Variants in LATS2 observed in about 807,000 individuals in gnomAD.
LATS2 encodes large tumor suppressor kinase 2.
Under a neutral mutation model 76.0 loss-of-function variants are expected in LATS2, and 24 were observed. That is an observed-to-expected ratio of 0.32 (90% CI 0.23 to 0.44). The LOEUF (loss-of-function observed/expected upper bound fraction) is 0.44, where lower values mean the gene tolerates loss of function less well. Among genes scored for constraint, LATS2 ranks in the 20% least tolerant of loss-of-function variants. LATS2 has a pLI of 1.00. For synonymous variants in LATS2, 692 were observed against 635.4 expected (o/e 1.09, Z -1.34); for missense variants, 1,286 against 1,481.2 (o/e 0.87, Z 2.16).
rs1033109455 is a variant in LATS2 at position 20,998,182 on chromosome 13, C to T, written c.343-6778G>A. 2.6e-5 allele frequency among the ~76,000 whole-genome samples: 4 copies of T among 152,014 alleles called. No homozygotes were observed. The East Asian group carries it at 7.8e-4, about 30-fold the overall frequency. ...TCAAGACCAGCCTGGGCAAGACCCG[C>T]ATGTTTGTAAAAAGTGAGAAAATTA... On this transcript the variant is annotated intron_variant, in intron 2 of 7. Transcript: ENST00000382592.
intron 2 of LATS2, among the ~76,000 whole-genome samples, chr13:21,003,763 A>C (rs1871149807): frequency 3.3e-5 from 5 of 151,758 alleles, no homozygotes; most frequent in East Asian, 1.9e-4. Context: ...TTTTTGGTAG[A>C]GAGAGGGTTT....
rs1179113388 is a variant in LATS2 at position 21,007,920 on chromosome 13, C to T, written c.343-16516G>A. Among the ~76,000 whole-genome samples the T allele has an allele frequency of 4.0e-5, 6 of 148,310 alleles. No homozygotes were observed. In the South Asian group the frequency reaches 6.5e-4, roughly 16 times the overall value. On this transcript the variant is annotated intron_variant, in intron 2 of 7. Coordinates refer to ENST00000382592, the MANE Select transcript of LATS2 (RefSeq NM_014572.3). ...AATTACAGATGCGAATCATCACAAC[C>T]GACTAATTTTTGTATTTTTAGTAGA... is the stretch of plus-strand genomic sequence containing the variant.
intron 7 of LATS2, 141 bp downstream of exon 7, chr13:20,979,548 GAT>G (rs1869774953): frequency 2.4e-6 from 1 of 418,354 alleles, no homozygotes; most frequent in Non-Finnish European, 4.3e-6. Context: ...AAAATAATGA[GAT>G]TATTTTTAAA....
intron 2 of LATS2, among the ~76,000 whole-genome samples, chr13:21,019,505 T>TTTC (rs1385664529): frequency 7.9e-6 from 1 of 127,160 alleles, no homozygotes; most frequent in African/African-American, 3.0e-5. Flanking sequence ...TTTTTTTTTT[T>TTTC]TGTATTTTTG....
rs534926444 is a variant in LATS2, at chr13:20,991,528, C to T, written c.343-124G>A. On this transcript the variant is annotated intron_variant, in intron 2 of 7. Coordinates refer to ENST00000382592, the MANE Select transcript of LATS2 (RefSeq NM_014572.3). This position sits in a 1 kb window ranked among gnomAD's most constrained non-coding sequence, Gnocchi z 4.9. Reference sequence around the variant, plus strand: ...TCGCCTCTGTACTGCTGAGAACCTGCGATATGCTGCAGGAGACCCTCAGAA... The same window carrying T: ...TCGCCTCTGTACTGCTGAGAACCTGTGATATGCTGCAGGAGACCCTCAGAA... The T allele has an allele frequency of 5.6e-6, 6 of 1,076,818 alleles. No individual in the cohort carries two copies. Among genetic ancestry groups the T allele is most frequent in the African/African-American group, 3.1e-5 (2 of 64,248 alleles). 66.7% of individuals were successfully genotyped at this position (1,076,818 alleles called of 1,614,324 possible). A position where few individuals can be genotyped will look rare whatever the true frequency, so the allele number is the denominator to read the frequency against.
chr13:21,006,081 G>A (rs567966498), intron 2 of LATS2, among the ~76,000 whole-genome samples: 2 of 152,132 alleles, frequency 1.3e-5, no homozygotes, highest in African/African-American at 4.8e-5. Context: ...AGGTTGCGGT[G>A]GGCCAATATC....
At chr13:21,007,632 A>ATATATATATAGTGTG (rs1871357961) in intron 2 of LATS2, among the ~76,000 whole-genome samples, 68 of 4,040 alleles carry the variant, frequency 0.017, 9 homozygotes, top group South Asian at 0.027. Flanking sequence ...GTGTATATAT[A>ATATATATATAGTGTG]TATATATATA....
intron 2 of LATS2, among the ~76,000 whole-genome samples, chr13:21,019,871 G>A (rs1312269990): frequency 1.3e-5 from 2 of 151,228 alleles, no homozygotes; most frequent in Admixed American, 6.6e-5. Context: ...CTACTCGGGA[G>A]GCTGAGGAAG....
intron 2 of LATS2, among the ~76,000 whole-genome samples, chr13:21,045,199 C>CA (rs766657150): frequency 1.8e-4 from 28 of 152,118 alleles, no homozygotes; most frequent in Non-Finnish European, 3.7e-4. Flanking sequence ...CCTGTAACAG[C>CA]ATATACACTA....
chr13:21,027,877 G>A (rs1420395597), intron 2 of LATS2, among the ~76,000 whole-genome samples: 1 of 151,934 alleles, frequency 6.6e-6, no homozygotes, highest in Non-Finnish European at 1.5e-5. Flanking sequence ...ACAGTATTGA[G>A]TCTTCTGATC....
At chr13:21,019,696 G>A (rs1346757783) in intron 2 of LATS2, among the ~76,000 whole-genome samples, 1 of 147,518 alleles carries the variant, frequency 6.8e-6, no homozygotes, top group African/African-American at 2.5e-5. Flanking sequence ...AAAGGCGGCT[G>A]GGCGTGGTGG....
intron 2 of LATS2, among the ~76,000 whole-genome samples, chr13:21,023,663 A>C (rs1357609568): frequency 1.4e-4 from 6 of 43,568 alleles, no homozygotes; most frequent in East Asian, 5.0e-4. Context: ...AAAAAAAAAA[A>C]AAAAAAAAAA....
At chr13:20,980,682 C>T (rs555584783) in intron 6 of LATS2, among the ~76,000 whole-genome samples, 2 of 152,344 alleles carry the variant, frequency 1.3e-5, no homozygotes, top group East Asian at 3.9e-4. Context: ...TTATTCACAA[C>T]CTCTCAAGGT....
chr13:21,044,832 G>T (rs1390316439), intron 2 of LATS2, among the ~76,000 whole-genome samples: 1 of 150,058 alleles, frequency 6.7e-6, no homozygotes, highest in Non-Finnish European at 1.5e-5. Flanking sequence ...AGGCTCAAGC[G>T]ATCCCTCCTG....
intron 2 of LATS2, among the ~76,000 whole-genome samples, chr13:21,020,657 C>T (rs925776517): frequency 2.0e-5 from 3 of 152,164 alleles, no homozygotes; most frequent in Admixed American, 2.0e-4. Context: ...ATCAAACAGC[C>T]AGGCCAGGTC....
chr13:21,022,337 T>C (rs1040036198), intron 2 of LATS2, among the ~76,000 whole-genome samples: 3 of 152,190 alleles, frequency 2.0e-5, no homozygotes, highest in Non-Finnish European at 4.4e-5. Context: ...CCTAAGTGCA[T>C]GTACTGAGTC....
At chr13:21,052,975 G>A (rs1873328034) in intron 1 of LATS2, among the ~76,000 whole-genome samples, 1 of 152,006 alleles carries the variant, frequency 6.6e-6, no homozygotes, top group Non-Finnish European at 1.5e-5. Context: ...GGTGGCTCAC[G>A]CCTGTAATCC....
At chr13:21,025,717 T>TA (rs956918512) in intron 2 of LATS2, among the ~76,000 whole-genome samples, 14 of 152,342 alleles carry the variant, frequency 9.2e-5, no homozygotes, top group African/African-American at 3.1e-4. Context: ...ACTAAATGTA[T>TA]GCTGGTCAGC....
intron 2 of LATS2, among the ~76,000 whole-genome samples, chr13:21,001,812 G>A (rs1444408905): frequency 6.6e-6 from 1 of 152,092 alleles, no homozygotes; most frequent in Non-Finnish European, 1.5e-5. Context: ...CTGGCAGATG[G>A]AGGTTGCGGT....
Sources: gnomAD v4.1 joint callset for allele counts (sites outside exome capture counted in the v4.1 genomes callset) on GRCh38, gnomAD v4.1.1 for gene constraint, Gnocchi (gnomAD v3.1) non-coding constraint, MANE v1.5 for transcripts, NCBI Gene and HGNC (gene_info 2026-07-23, HGNC 2026-07-21) for gene names.